INPP4B: variants seen among roughly 807,000 people sequenced by gnomAD.
The protein encoded by INPP4B is inositol polyphosphate-4-phosphatase type II B.
In INPP4B, 55 loss-of-function variants were observed where a neutral mutation model predicts 122.5. That is an observed-to-expected ratio of 0.45 (90% CI 0.36 to 0.56). INPP4B has a LOEUF of 0.56. Among genes scored for constraint, INPP4B ranks in the 20% least tolerant of loss-of-function variants. INPP4B has a pLI of 0.00. For missense variants in INPP4B, 1,000 were observed against 1,097.7 expected, an observed-to-expected ratio of 0.91 and a Z score of 1.26; for synonymous variants, 403 against 388.7, an observed-to-expected ratio of 1.04 and a Z score of -0.43.
intron 2 of INPP4B, among the ~76,000 whole-genome samples, chr4:142,545,388 C>A (rs982210050): frequency 1.3e-5 from 2 of 151,966 alleles, no homozygotes; most frequent in Non-Finnish European, 2.9e-5. Flanking sequence ...GAGAAGGTAA[C>A]TATAACACAG....
chr4:142,798,264 G>A (rs535077213), intron 1 of INPP4B, among the ~76,000 whole-genome samples: 139 of 151,892 alleles, frequency 9.2e-4, no homozygotes, highest in East Asian at 2.3e-3. Flanking sequence ...AGCAATTAGC[G>A]GAGTACAAGA....
intron 7 of INPP4B, among the ~76,000 whole-genome samples, chr4:142,374,903 A>T (rs904352067): frequency 6.6e-6 from 1 of 151,916 alleles, no homozygotes; most frequent in Non-Finnish European, 1.5e-5. Context: ...TCTAAACTTA[A>T]AAAATAAAAG....
chr4:142,255,206 G>A lies in INPP4B; in HGVS notation c.688+5286C>T, dbSNP rs557844520. Among the ~76,000 whole-genome samples, 696 of 151,678 alleles carry A rather than the reference G, an allele frequency of 4.6e-3. 4 individuals are homozygous for A. Among genetic ancestry groups the A allele is most frequent in the African/African-American group, 0.016 (651 of 41,352 alleles). On this transcript the variant is annotated intron_variant, in intron 11 of 25. Transcript: ENST00000262992. Reference sequence around the variant, plus strand: ...CCCTAAAAGAGCTCCTGAAGGAAGCGCTAAACATGGAAAGGAACAACCGGT... The same window carrying A: ...CCCTAAAAGAGCTCCTGAAGGAAGCACTAAACATGGAAAGGAACAACCGGT...
chr4:142,128,518 C>T (rs1799721686), intron 18 of INPP4B, among the ~76,000 whole-genome samples: 1 of 152,096 alleles, frequency 6.6e-6, no homozygotes, highest in Non-Finnish European at 1.5e-5. Context: ...CCCTGGGCTC[C>T]TTTCCATGAC....
chr4:142,725,803 C>G (rs994147906), intron 2 of INPP4B, 36 bp downstream of exon 2: 2 of 397,452 alleles, frequency 5.0e-6, no homozygotes, highest in South Asian at 2.5e-4. Flanking sequence ...TAGAGTTATA[C>G]AGAATGAAAA....
At chr4:142,465,046 T>A (rs1346545335) in intron 2 of INPP4B, among the ~76,000 whole-genome samples, 1 of 152,212 alleles carries the variant, frequency 6.6e-6, no homozygotes, top group African/African-American at 2.4e-5. Context: ...CATAGTCTCA[T>A]ATAGTCCATA....
In INPP4B at chr4:142,557,183, C is replaced by T. The variant is rs1314311428; in HGVS notation, c.-190-94457G>A. On this transcript the variant is annotated intron_variant, in intron 2 of 25. Coordinates refer to ENST00000262992, the MANE Select transcript of INPP4B (RefSeq NM_001101669.3). ...CTGGAGAAGGAAGGCCGGCAGTTCT[C>T]CAGGGTAGGGCAGCTGATGGGAAAT... Among the ~76,000 whole-genome samples the T allele has an allele frequency of 3.6e-4, 54 of 152,028 alleles. 1 individual carries two copies. Among genetic ancestry groups the T allele is most frequent in the Admixed American group, 3.5e-3 (54 of 15,252 alleles).
chr4:142,495,064 C>T (rs1822363401), intron 2 of INPP4B, among the ~76,000 whole-genome samples: 1 of 152,068 alleles, frequency 6.6e-6, no homozygotes, highest in African/African-American at 2.4e-5. Context: ...AAGAAATCTT[C>T]TACAGGCATC....
intron 18 of INPP4B, among the ~76,000 whole-genome samples, chr4:142,139,212 A>G (rs1806394994): frequency 6.6e-6 from 1 of 152,186 alleles, no homozygotes; most frequent in Admixed American, 6.5e-5. Context: ...TTCTTTTCCA[A>G]CCAATACAAA....
intron 1 of INPP4B, among the ~76,000 whole-genome samples, chr4:142,753,761 G>A (rs1465199584): frequency 6.6e-6 from 1 of 151,926 alleles, no homozygotes; most frequent in Non-Finnish European, 1.5e-5. Context: ...CAAAAAAGAT[G>A]AGCTTTATAT....
At chr4:142,603,464 A>C (rs991499090) in intron 2 of INPP4B, among the ~76,000 whole-genome samples, 2 of 152,136 alleles carry the variant, frequency 1.3e-5, no homozygotes, top group Admixed American at 1.3e-4. Flanking sequence ...AACAAAATTT[A>C]TAAAATGCTA....
chr4:142,070,356 T>C (rs1388846595), intron 25 of INPP4B, among the ~76,000 whole-genome samples: 1 of 152,158 alleles, frequency 6.6e-6, no homozygotes, highest in East Asian at 1.9e-4. Flanking sequence ...AGCAGCTATT[T>C]ATGACAAACC....
chr4:142,282,839 T>C (rs1399419495), intron 9 of INPP4B, among the ~76,000 whole-genome samples: 1 of 152,082 alleles, frequency 6.6e-6, no homozygotes, highest in East Asian at 1.9e-4. Flanking sequence ...GCGGGTGTTA[T>C]GTAGAGCAGC....
At chr4:142,342,638 A>G (rs1387364116) in intron 7 of INPP4B, among the ~76,000 whole-genome samples, 1 of 152,202 alleles carries the variant, frequency 6.6e-6, no homozygotes, top group African/African-American at 2.4e-5. Context: ...TATTTTCACA[A>G]GGAGTTAAAT....
chr4:142,036,073 A>G (rs1214390482), intron 25 of INPP4B, among the ~76,000 whole-genome samples: 1 of 151,992 alleles, frequency 6.6e-6, no homozygotes, highest in Admixed American at 6.6e-5. Context: ...CCCCTCTAAT[A>G]GTGTGCAGTG....
intron 7 of INPP4B, among the ~76,000 whole-genome samples, chr4:142,342,543 A>G (rs1042555293): frequency 3.3e-5 from 5 of 152,088 alleles, no homozygotes; most frequent in Non-Finnish European, 7.4e-5. Context: ...GAGGATGGAG[A>G]AATATATTTT....
At chr4:142,675,644 C>G (rs1353953104) in intron 2 of INPP4B, among the ~76,000 whole-genome samples, 1 of 152,150 alleles carries the variant, frequency 6.6e-6, no homozygotes, top group African/African-American at 2.4e-5. Flanking sequence ...AAAAGCTTAT[C>G]CACCACAATC....
At chr4:142,426,902 C>T (rs962589740) in intron 5 of INPP4B, 9 of 151,816 alleles carry the variant, frequency 5.9e-5, no homozygotes, top group East Asian at 3.9e-4. Context: ...TAAAATTAGA[C>T]GAAAAAGCCC....
In INPP4B at chr4:142,052,415, G is replaced by A. The variant is rs190283862; in HGVS notation, c.2643-23501C>T. Reference sequence around the variant, plus strand: ...AACCCATATTCTTTTGTGTTAAACCGTGTTTATTATTCTTCAGATGTATTT... The same window carrying A: ...AACCCATATTCTTTTGTGTTAAACCATGTTTATTATTCTTCAGATGTATTT... On this transcript the variant is annotated intron_variant, in intron 25 of 25. Coordinates refer to ENST00000262992, the MANE Select transcript of INPP4B (RefSeq NM_001101669.3). Among the ~76,000 whole-genome samples, 369 of 151,936 alleles carry A rather than the reference G, an allele frequency of 2.4e-3. 3 individuals carry two copies. Among genetic ancestry groups the A allele is most frequent in the Non-Finnish European group, 6.2e-4 (42 of 67,926 alleles).
Sources: allele counts gnomAD v4.1 joint callset (sites outside exome capture counted in the v4.1 genomes callset), GRCh38; gene constraint gnomAD v4.1.1; transcripts MANE v1.5; gene names NCBI Gene and HGNC (gene_info 2026-07-23, HGNC 2026-07-21).